Variants in CYP4Z1 observed in about 807,000 individuals in gnomAD.
The protein encoded by CYP4Z1 is cytochrome P450 family 4 subfamily Z member 1, also known as cytochrome P450 4Z1.
Under a neutral mutation model 54.2 loss-of-function variants are expected in CYP4Z1, and 41 were observed. That is an observed-to-expected ratio of 0.76 (90% CI 0.59 to 0.98). CYP4Z1 has a LOEUF of 0.98. CYP4Z1 is among the 50% of genes least tolerant of loss of function. The pLI is 0.00. For missense variants in CYP4Z1, 513 were observed against 599.0 expected, an observed-to-expected ratio of 0.86 and a Z score of 1.50; for synonymous variants, 163 against 206.2, an observed-to-expected ratio of 0.79 and a Z score of 1.79.
intron 2 of CYP4Z1, among the ~76,000 whole-genome samples, chr1:47,077,749 C>A (rs1644536137): frequency 6.6e-6 from 1 of 151,594 alleles, no homozygotes. Context: ...GCCTCCTGAG[C>A]AGTTGGAACT....
chr1:47,067,718 T>A (rs1317691405), intron 1 of CYP4Z1, 51 bp downstream of exon 1: 1 of 1,493,758 alleles, frequency 6.7e-7, no homozygotes, highest in Admixed American at 2.1e-5. Context: ...AGATGAGGTA[T>A]TAAAAAAAAA....
chr1:47,095,459 T>C (rs1338628674), intron 7 of CYP4Z1, among the ~76,000 whole-genome samples: 1 of 152,220 alleles, frequency 6.6e-6, no homozygotes, highest in Non-Finnish European at 1.5e-5. Flanking sequence ...AGTCACTCAA[T>C]ATATGACAAC....
chr1:47,066,240 T>G (rs2148523322), upstream of CYP4Z1, among the ~76,000 whole-genome samples: 1 of 152,120 alleles, frequency 6.6e-6, no homozygotes, highest in South Asian at 2.1e-4. Flanking sequence ...AAAAGAAAAC[T>G]ACAGACCAAC....
At chr1:47,087,370 T>C (rs1454207729) in intron 6 of CYP4Z1, among the ~76,000 whole-genome samples, 4 of 152,238 alleles carry the variant, frequency 2.6e-5, no homozygotes, top group Non-Finnish European at 4.4e-5. Context: ...TTTTATTTCA[T>C]TGAGCAGTAG....
At chr1:47,073,214 C>CT (rs1382820978) in intron 2 of CYP4Z1, among the ~76,000 whole-genome samples, 18 of 121,854 alleles carry the variant, frequency 1.5e-4, no homozygotes, top group Admixed American at 5.4e-4. Flanking sequence ...TTGCATTTTG[C>CT]TTTTTTCACT....
chr1:47,087,117 T>G (rs1644601698), intron 6 of CYP4Z1, among the ~76,000 whole-genome samples: 1 of 152,200 alleles, frequency 6.6e-6, no homozygotes, highest in African/African-American at 2.4e-5. Context: ...TAGTTTGAAG[T>G]CAGGTAGTGT....
intron 9 of CYP4Z1, among the ~76,000 whole-genome samples, chr1:47,109,336 G>T (rs968735310): frequency 1.7e-4 from 26 of 152,156 alleles, no homozygotes; most frequent in Non-Finnish European, 2.9e-4. Flanking sequence ...GCTGCAGAAA[G>T]ACTTGCAGAG....
chr1:47,060,117 T>C, the CYP4Z1 span, among the ~76,000 whole-genome samples: 1 of 152,268 alleles, frequency 6.6e-6, no homozygotes, highest in African/African-American at 2.4e-5. Flanking sequence ...CATTTTTAAA[T>C]ATTTGTTAGA....
At chr1:47,065,754 G>A (rs1644446275), upstream of CYP4Z1, among the ~76,000 whole-genome samples, 1 of 152,010 alleles carries the variant, frequency 6.6e-6, no homozygotes, top group South Asian at 2.1e-4. Context: ...GTTCTTTGAA[G>A]AGATAAATAA....
At chr1:47,095,989 T>C (rs1644673960) in intron 7 of CYP4Z1, among the ~76,000 whole-genome samples, 1 of 152,186 alleles carries the variant, frequency 6.6e-6, no homozygotes, top group Non-Finnish European at 1.5e-5. Flanking sequence ...GAACTCAACT[T>C]TCATTGTGTT....
intron 9 of CYP4Z1, among the ~76,000 whole-genome samples, chr1:47,112,699 C>G (rs928170801): frequency 7.0e-6 from 1 of 143,046 alleles, no homozygotes; most frequent in Non-Finnish European, 1.5e-5. Flanking sequence ...GTGGGAGGAT[C>G]GCTTGAGTCT....
chr1:47,087,406 T>A (rs1033527183), intron 6 of CYP4Z1, among the ~76,000 whole-genome samples: 1 of 152,234 alleles, frequency 6.6e-6, no homozygotes, highest in Non-Finnish European at 1.5e-5. Flanking sequence ...GAAGAGGTCC[T>A]TCACATCCCT....
rs1347700184 is a variant in CYP4Z1 at position 47,116,733 on chromosome 1, G to A, written c.1349+1G>A. 4 of 1,603,534 alleles carry A rather than the reference G, an allele frequency of 2.5e-6. No homozygotes were observed. Among genetic ancestry groups the A allele is most frequent in the Non-Finnish European group, 3.4e-6 (4 of 1,172,740 alleles). On this transcript the variant is annotated splice_donor_variant, in intron 11 of 11. Transcript: ENST00000334194. LOFTEE classifies it high-confidence loss of function. ...TCATACCATTCTCAGCTGGATTAAGGTAAAGACTCAAGCTGGTGAACTTGA... is the reference window on the plus strand; with the variant it reads ...TCATACCATTCTCAGCTGGATTAAGATAAAGACTCAAGCTGGTGAACTTGA...
At chr1:47,060,581 A>G in the CYP4Z1 span, among the ~76,000 whole-genome samples, 1 of 152,224 alleles carries the variant, frequency 6.6e-6, no homozygotes. Flanking sequence ...CTACAAAGAG[A>G]CTTAGACTCA....
chr1:47,076,651 C>G (rs1432712123), intron 2 of CYP4Z1, among the ~76,000 whole-genome samples: 3 of 151,532 alleles, frequency 2.0e-5, no homozygotes, highest in African/African-American at 7.3e-5. Flanking sequence ...CGAGACCATC[C>G]TGGCTAACAC....
chr1:47,067,517 C>T lies in CYP4Z1; in HGVS notation c.27C>T (p.Leu9=). 1 of 1,611,956 alleles carries T rather than the reference C, an allele frequency of 6.2e-7. No individual in the cohort carries two copies. The highest frequency in any genetic ancestry group is 8.5e-7 in the Non-Finnish European group (1 of 1,178,818). ...TGGAGCCCTCCTGGCTTCAGGAACT[C>T]ATGGCTCACCCCTTCTTGCTGCTGA... MEPSWLQE[L]MAHPFLLLIL... is the part of the protein sequence containing the mutation. Residue 9 remains leucine, a synonymous_variant, in exon 1 of 12, where the codon CTC becomes CTT. Coordinates refer to ENST00000334194, the MANE Select transcript of CYP4Z1 (RefSeq NM_178134.3).
At chr1:47,102,183 G>T (rs1005513602) in intron 8 of CYP4Z1, among the ~76,000 whole-genome samples, 1 of 152,074 alleles carries the variant, frequency 6.6e-6, no homozygotes, top group Admixed American at 6.5e-5. Context: ...ATATAGTTGG[G>T]TCATGTTTTT....
intron 11 of CYP4Z1, 82 bp from the exon 12 acceptor site, chr1:47,117,684 G>A (rs558355814): frequency 1.1e-5 from 15 of 1,425,098 alleles, no homozygotes; most frequent in South Asian, 5.1e-5. Context: ...TACAAAAGTC[G>A]TCATATATAA....
intron 7 of CYP4Z1, 22 bp downstream of exon 7, chr1:47,094,691 A>G (rs1382134798): frequency 6.4e-7 from 1 of 1,553,010 alleles, no homozygotes; most frequent in Non-Finnish European, 8.8e-7. Flanking sequence ...AAACTTCTGA[A>G]CACATTCGAC....
Sources: gnomAD v4.1 joint callset for allele counts (sites outside exome capture counted in the v4.1 genomes callset) on GRCh38, gnomAD v4.1.1 for gene constraint, MANE v1.5 for transcripts, NCBI Gene and HGNC (gene_info 2026-07-23, HGNC 2026-07-21) for gene names.